GULP1: variants seen among roughly 807,000 people sequenced by gnomAD.
GULP1 encodes GULP PTB domain containing engulfment adaptor 1.
In GULP1, 19 loss-of-function variants were observed where a neutral mutation model predicts 40.9. The ratio of observed to expected loss-of-function variants is 0.46; its 90% CI spans 0.32 to 0.68. The LOEUF (loss-of-function observed/expected upper bound fraction) is 0.68. Ranked by LOEUF, GULP1 falls within the 30% of genes least tolerant of loss-of-function variation. GULP1 has a pLI of 0.03. For synonymous variants in GULP1, 119 were observed against 117.6 expected (o/e 1.01, Z -0.08); for missense variants, 312 against 362.2 (o/e 0.86, Z 1.12).
intron 10 of GULP1, among the ~76,000 whole-genome samples, chr2:188,587,475 C>T (rs2153470076): frequency 6.6e-6 from 1 of 152,136 alleles, no homozygotes; most frequent in South Asian, 2.1e-4. Context: ...AGGCATCAAT[C>T]AATGGAATTA....
At chr2:188,473,410 G>T (rs186942045) in intron 2 of GULP1, among the ~76,000 whole-genome samples, 14 of 152,320 alleles carry the variant, frequency 9.2e-5, no homozygotes, top group African/African-American at 3.1e-4. Context: ...GTTGCCTATT[G>T]GAAGCCGTGA....
At chr2:188,406,022 A>G (rs2053041975) in intron 2 of GULP1, among the ~76,000 whole-genome samples, 1 of 152,234 alleles carries the variant, frequency 6.6e-6, no homozygotes, top group South Asian at 2.1e-4. Context: ...TTAAGGATGT[A>G]GATACTTTCT....
intron 2 of GULP1, among the ~76,000 whole-genome samples, chr2:188,448,658 A>T (rs149987545): frequency 6.6e-6 from 1 of 152,200 alleles, no homozygotes; most frequent in African/African-American, 2.4e-5. Flanking sequence ...TAAATAGAAC[A>T]TATGTGATAT....
At chr2:188,384,133 A>G (rs1388506926) in intron 2 of GULP1, 1 of 152,118 alleles carries the variant, frequency 6.6e-6, no homozygotes, top group African/African-American at 2.4e-5. Context: ...CTTTAAGCAA[A>G]GTTACAATGA....
chr2:188,576,265 T>A (rs1245918817), intron 9 of GULP1, among the ~76,000 whole-genome samples: 1 of 152,194 alleles, frequency 6.6e-6, no homozygotes, highest in East Asian at 1.9e-4. Flanking sequence ...AAAAAGCTTG[T>A]CCTTTTTTAT....
intron 7 of GULP1, among the ~76,000 whole-genome samples, chr2:188,548,562 G>C (rs1692572922): frequency 6.6e-6 from 1 of 151,994 alleles, no homozygotes; most frequent in African/African-American, 2.4e-5. Context: ...TGTAGATATA[G>C]ACAAGACAAG....
chr2:188,455,826 C>G lies in GULP1; in HGVS notation c.-44-21833C>G, dbSNP rs545666023. 2.4e-4 allele frequency among the ~76,000 whole-genome samples: 36 copies of G among 152,290 alleles called. No individual in the cohort carries two copies. In the South Asian group the frequency reaches 3.9e-3, roughly 17 times the overall value. On this transcript the variant is annotated intron_variant, in intron 2 of 11. Transcript: ENST00000409830. ...GTGGGAAAGTTTGGAACTTCCTAGA[C>G]ACTTGTTGAATGGCTTTGACCAAAA...
chr2:188,574,946 A>G (rs527559601), intron 9 of GULP1, among the ~76,000 whole-genome samples: 1 of 152,306 alleles, frequency 6.6e-6, no homozygotes, highest in African/African-American at 2.4e-5. Flanking sequence ...GCATGTTTCT[A>G]CTTTCCTCAG....
chr2:188,541,862 C>T (rs933717637), intron 7 of GULP1: 2 of 158,376 alleles, frequency 1.3e-5, no homozygotes, highest in Non-Finnish European at 2.8e-5. Context: ...GTAATCCCAG[C>T]ACTTCGGGAG....
chr2:188,335,255 T>C (rs1201882644), intron 1 of GULP1, among the ~76,000 whole-genome samples: 2 of 152,174 alleles, frequency 1.3e-5, no homozygotes, highest in African/African-American at 2.4e-5. Flanking sequence ...ATTAACACTT[T>C]TGGCAGGGGG....
At chr2:188,535,968 T>C (rs1326985084) in intron 6 of GULP1, among the ~76,000 whole-genome samples, 3 of 152,176 alleles carry the variant, frequency 2.0e-5, no homozygotes, top group African/African-American at 7.2e-5. Flanking sequence ...ATTTTTTTCA[T>C]GTTTATTTGC....
intron 2 of GULP1, among the ~76,000 whole-genome samples, chr2:188,428,510 C>T (rs952346670): frequency 7.9e-5 from 12 of 152,058 alleles, no homozygotes; most frequent in Non-Finnish European, 1.6e-4. Context: ...CATGGTTTAA[C>T]GTAATTTTCC....
At chr2:188,477,820 G>A in intron 3 of GULP1, 90 bp downstream of exon 3, 2 of 953,822 alleles carry the variant, frequency 2.1e-6, no homozygotes, top group South Asian at 1.5e-5. Flanking sequence ...TTTTCTTGTT[G>A]TCAAACCACC....
intron 1 of GULP1, among the ~76,000 whole-genome samples, chr2:188,350,047 A>G (rs923086516): frequency 6.6e-6 from 1 of 152,144 alleles, no homozygotes; most frequent in Non-Finnish European, 1.5e-5. Context: ...CTGGATTTTC[A>G]ATTCTACTCC....
chr2:188,326,296 T>A (rs1369818449), intron 1 of GULP1, among the ~76,000 whole-genome samples: 1 of 152,190 alleles, frequency 6.6e-6, no homozygotes, highest in African/African-American at 2.4e-5. Context: ...TTTTATTATT[T>A]TGTACATCTA....
At chr2:188,464,637 T>C (rs2059969925) in intron 2 of GULP1, among the ~76,000 whole-genome samples, 1 of 152,226 alleles carries the variant, frequency 6.6e-6, no homozygotes, top group South Asian at 2.1e-4. Flanking sequence ...AGGTGCCACC[T>C]GGGAGCCAGG....
At chr2:188,453,217 C>T (rs1330276249) in intron 2 of GULP1, among the ~76,000 whole-genome samples, 1 of 152,086 alleles carries the variant, frequency 6.6e-6, no homozygotes, top group South Asian at 2.1e-4. Context: ...TGTTAATTTA[C>T]AATTCTTCTA....
At chr2:188,440,396 A>G (rs911469458) in intron 2 of GULP1, among the ~76,000 whole-genome samples, 1 of 152,220 alleles carries the variant, frequency 6.6e-6, no homozygotes, top group African/African-American at 2.4e-5. Context: ...TCAATCTTCA[A>G]GGTTACACGG....
At position 188,542,361 on chromosome 2, in the gene GULP1, C is replaced by A. The variant is rs188173153; in HGVS notation, c.399+1043C>A. Among the ~76,000 whole-genome samples, 674 of 152,148 alleles carry A rather than the reference C, an allele frequency of 4.4e-3. 8 individuals are homozygous for A. The highest frequency in any genetic ancestry group is 0.016 in the African/African-American group (646 of 41,516). On this transcript the variant is annotated intron_variant, in intron 7 of 11. Coordinates refer to ENST00000409830, the MANE Select transcript of GULP1 (RefSeq NM_016315.4). ...GCTAATATTATTATCACTGTTATGT[C>A]ATTTGTTTATCTAGTTTCAGTATTG...
Sources: gnomAD v4.1 joint callset for allele counts (sites outside exome capture counted in the v4.1 genomes callset) on GRCh38, gnomAD v4.1.1 for gene constraint, MANE v1.5 for transcripts, NCBI Gene and HGNC (gene_info 2026-07-23, HGNC 2026-07-21) for gene names.